Variants in COP1 observed in about 807,000 individuals in gnomAD.
COP1 encodes E3 ubiquitin-protein ligase COP1.
In COP1, 24 loss-of-function variants were observed where a neutral mutation model predicts 101.3. The ratio of observed to expected loss-of-function variants is 0.24; its 90% CI spans 0.17 to 0.33. The LOEUF (loss-of-function observed/expected upper bound fraction) is 0.33. Ranked by LOEUF, COP1 falls within the 10% of genes least tolerant of loss-of-function variation. COP1 has a pLI of 1.00. For missense variants in COP1, 663 were observed against 906.2 expected, an observed-to-expected ratio of 0.73 and a Z score of 3.45; for synonymous variants, 347 against 341.9, an observed-to-expected ratio of 1.01 and a Z score of -0.17.
At chr1:175,950,528 AC>A (rs1281172128) in intron 18 of COP1, among the ~76,000 whole-genome samples, 1 of 152,204 alleles carries the variant, frequency 6.6e-6, no homozygotes, top group Non-Finnish European at 1.5e-5. Context: ...ATTTTGGATG[AC>A]TGGTAATTCC....
chr1:175,955,112 T>C (rs1390281295), intron 18 of COP1, among the ~76,000 whole-genome samples: 1 of 151,908 alleles, frequency 6.6e-6, no homozygotes, highest in Non-Finnish European at 1.5e-5. Flanking sequence ...ATGGGTGTGG[T>C]GGCATGCACC....
chr1:176,035,710 C>CAAAAAAAAAAAAAAAAAAAAAAAGAAAAA (rs71129541), intron 14 of COP1, among the ~76,000 whole-genome samples: 1 of 73,110 alleles, frequency 1.4e-5, no homozygotes, highest in Non-Finnish European at 2.5e-5. Context: ...AAAACGAGAC[C>CAAAAAAAAAAAAAAAAAAAAAAAGAAAAA]AAAAAAAAAA....
chr1:176,076,513 C>T (rs1463543587), intron 11 of COP1, among the ~76,000 whole-genome samples: 1 of 149,110 alleles, frequency 6.7e-6, no homozygotes, highest in African/African-American at 2.4e-5. Flanking sequence ...ATGCCTTCAT[C>T]AAGAGGTTAG....
Position 175,977,000 on chromosome 1 carries a change from TC to T in COP1, c.2133+9942del, listed in dbSNP as rs147884614. On this transcript the variant is annotated intron_variant, in intron 18 of 19. Transcript: ENST00000367669. The stretch of plus-strand genomic sequence containing the variant: ...AAAATCAACTATTAGTATTTTTTTC[TC>T]CCAATCTCTGGAAATCATTTCACAA... Among the ~76,000 whole-genome samples, 865 of 151,332 alleles carry T rather than the reference TC, an allele frequency of 5.7e-3. 8 individuals carry two copies. Among genetic ancestry groups the T allele is most frequent in the Non-Finnish European group, 9.1e-3 (612 of 67,606 alleles).
intron 15 of COP1, chr1:176,018,807 G>A (rs1238725236): frequency 6.6e-6 from 1 of 151,700 alleles, no homozygotes; most frequent in Non-Finnish European, 1.5e-5. Context: ...GGAAGGCAGA[G>A]ACTGCAGTGA....
intron 2 of COP1, among the ~76,000 whole-genome samples, chr1:176,182,171 A>C (rs1697877159): frequency 6.6e-6 from 1 of 152,228 alleles, no homozygotes; most frequent in African/African-American, 2.4e-5. Flanking sequence ...GACACTCAAG[A>C]AAATTAAAAA....
At chr1:175,966,361 T>C (rs1179002166) in intron 18 of COP1, among the ~76,000 whole-genome samples, 1 of 152,144 alleles carries the variant, frequency 6.6e-6, no homozygotes, top group East Asian at 1.9e-4. Context: ...TTGAGCACTA[T>C]AGGTCAGTGA....
Position 176,148,989 on chromosome 1 carries a change from C to A in COP1, c.831+17G>T. 6.7e-7 allele frequency: 1 copy of A among 1,482,196 alleles called. No homozygotes were observed. The highest frequency in any genetic ancestry group is 9.2e-7 in the Non-Finnish European group (1 of 1,082,530). The allele number at this position is 1,482,196 out of a possible 1,614,324, so 91.8% of individuals were successfully genotyped here. On this transcript the variant is annotated intron_variant, in intron 6 of 19. Transcript: ENST00000367669. ...ATAGTAAATAAAACATTATGTAAAA[C>A]ACACAAAATAATATACCTCTCTCTT...
chr1:175,961,135 A>G (rs1442405498), intron 18 of COP1, among the ~76,000 whole-genome samples: 1 of 152,188 alleles, frequency 6.6e-6, no homozygotes, highest in Non-Finnish European at 1.5e-5. Flanking sequence ...CCTTTAGCCT[A>G]AGATTCTGCC....
chr1:176,030,486 G>A (rs1668481529), intron 14 of COP1, among the ~76,000 whole-genome samples: 1 of 152,044 alleles, frequency 6.6e-6, no homozygotes, highest in Non-Finnish European at 1.5e-5. Context: ...AAATATAAGT[G>A]AGAAAAAAAC....
chr1:175,983,733 T>C lies in COP1; in HGVS notation c.2133+3210A>G, dbSNP rs556204832. ...ATGGCTTTGACCAAAATGCTGATAA[T>C]GATGGACATGAAATCTAAGGCTGAG... On this transcript the variant is annotated intron_variant, in intron 18 of 19. Transcript: ENST00000367669. Among the ~76,000 whole-genome samples the C allele has an allele frequency of 2.7e-4, 41 of 152,226 alleles. No homozygotes were observed. The South Asian group carries it at 5.8e-3, about 22-fold the overall frequency.
intron 18 of COP1, among the ~76,000 whole-genome samples, chr1:175,975,768 C>T (rs1654383061): frequency 6.6e-6 from 1 of 152,040 alleles, no homozygotes; most frequent in Admixed American, 6.6e-5. Flanking sequence ...AAAGGAAACA[C>T]AAGTATGTAA....
chr1:175,948,528 T>C (rs575056064), intron 18 of COP1, among the ~76,000 whole-genome samples: 1 of 152,244 alleles, frequency 6.6e-6, no homozygotes, highest in Admixed American at 6.5e-5. Flanking sequence ...TTGGCTTGTA[T>C]GTTAGAAAAG....
chr1:176,121,876 C>A (rs1308530626), intron 8 of COP1, among the ~76,000 whole-genome samples: 1 of 151,932 alleles, frequency 6.6e-6, no homozygotes, highest in Admixed American at 6.6e-5. Context: ...AAAGTTTGGT[C>A]ACGCCTGTAA....
rs1295448666 is a variant in COP1 at position 175,987,053 on chromosome 1, A to G, written c.2023T>C (p.Leu675=). The G allele has an allele frequency of 6.3e-7, 1 of 1,585,616 alleles. No homozygotes were observed. The highest frequency in any genetic ancestry group is 8.6e-7 in the Non-Finnish European group (1 of 1,156,122). The change falls in exon 18 of 20, where the codon TTG becomes CTG. Residue 675 remains leucine (L), a synonymous_variant. Coordinates refer to ENST00000367669, the MANE Select transcript of COP1 (RefSeq NM_022457.7). The part of the protein sequence containing the change: ...YLYYKGLSKT[L]LTFKFDTVKS... ...ACTGTATCAAACTTAAAAGTTAGCA[A>G]AGTCTTAGAAAGTCCTTTATAGTAC... is the stretch of plus-strand genomic sequence containing the variant.
chr1:175,968,650 GA>G, intron 18 of COP1: 1 of 382,814 alleles, frequency 2.6e-6, no homozygotes, highest in Admixed American at 3.0e-5. Context: ...CAGATAACAG[GA>G]AAAGAACCAT....
At chr1:176,124,564 C>A (rs1687713825) in intron 8 of COP1, among the ~76,000 whole-genome samples, 1 of 152,052 alleles carries the variant, frequency 6.6e-6, no homozygotes, top group South Asian at 2.1e-4. Context: ...AACATAATAA[C>A]CTCCAGTTCT....
chr1:176,184,501 G>A (rs1698210944), intron 2 of COP1, 132 bp downstream of exon 2: 2 of 674,048 alleles, frequency 3.0e-6, no homozygotes, highest in Non-Finnish European at 5.2e-6. Flanking sequence ...CATCTACAAA[G>A]ACATGTCAAG....
intron 9 of COP1, among the ~76,000 whole-genome samples, chr1:176,092,062 C>G (rs1217202666): frequency 6.6e-6 from 1 of 152,008 alleles, no homozygotes; most frequent in Non-Finnish European, 1.5e-5. Context: ...ATAAGAGAGC[C>G]TTAACATTTT....
Sources: allele counts gnomAD v4.1 joint callset (sites outside exome capture counted in the v4.1 genomes callset), GRCh38; gene constraint gnomAD v4.1.1; transcripts MANE v1.5; gene names NCBI Gene and HGNC (gene_info 2026-07-23, HGNC 2026-07-21).